P2RX7: variants seen among roughly 807,000 people sequenced by gnomAD.
The protein encoded by P2RX7 is purinergic receptor P2X 7.
In P2RX7, 62 loss-of-function variants were observed where a neutral mutation model predicts 71.6. That is an observed-to-expected ratio of 0.87 (90% confidence interval 0.71 to 1.07). The LOEUF is 1.07. Ranked by LOEUF, P2RX7 falls within the 50% of genes least tolerant of loss-of-function variation. The probability of loss-of-function intolerance (pLI) is 0.00; values close to 1 mark genes in which losing one functional copy is unlikely to be tolerated. For missense variants in P2RX7, 686 were observed against 748.5 expected (o/e 0.92, Z 0.97); for synonymous variants, 299 against 283.3 (o/e 1.06, Z -0.56).
rs202149360 is a variant in P2RX7 at position 121,133,893 on chromosome 12, A to AT, written c.125+809dup. 1.7e-3 allele frequency among the ~76,000 whole-genome samples: 249 copies of AT among 148,964 alleles called. 1 individual carries two copies. The highest frequency in any genetic ancestry group is 5.1e-3 in the African/African-American group (210 of 40,870). On this transcript the variant is annotated intron_variant, in intron 1 of 12. Transcript: ENST00000328963. ...GTAGCATGTGTTGATACTTCATTCA[A>AT]TTTTTTTTTTTAAAGAGACGGGGTC...
chr12:121,184,581 C>T lies in P2RX7; in HGVS notation c.1567C>T (p.Leu523=), dbSNP rs748835610. 1 of 1,614,110 alleles carries T rather than the reference C, an allele frequency of 6.2e-7. No homozygotes were observed. The highest frequency in any genetic ancestry group is 8.5e-7 in the Non-Finnish European group (1 of 1,179,998). The part of the protein sequence containing the change: ...FRKLVLSRHV[L]QFLLLYQEPL... ...GAAGCTGGTCCTGTCCAGACACGTC[C>T]TGCAGTTCCTCCTGCTCTACCAGGA... Residue 523 remains leucine, a synonymous_variant, in exon 13 of 13, where the codon CTG becomes TTG. Coordinates refer to ENST00000328963, the MANE Select transcript of P2RX7 (RefSeq NM_002562.6).
rs1593097956 is a variant in P2RX7 at position 121,166,305 on chromosome 12, T to C, written c.744+118T>C. ...AATGTGGCTCACATTTACTGAGCAT[T>C]TAGTAAATCCACCCGCTACGCTAAG... is the stretch of plus-strand genomic sequence containing the variant. On this transcript the variant is annotated intron_variant, in intron 7 of 12. Transcript: ENST00000328963. 5 of 1,113,430 alleles carry C rather than the reference T, an allele frequency of 4.5e-6. No homozygotes were observed. In the East Asian group the frequency reaches 9.8e-5, roughly 22 times the overall value. 69.0% of individuals were successfully genotyped at this position (1,113,430 alleles called of 1,614,324 possible). A position where few individuals can be genotyped will look rare whatever the true frequency, so the allele number is the denominator to read the frequency against.
At chr12:121,161,977 T>G (rs1879820883) in intron 4 of P2RX7, among the ~76,000 whole-genome samples, 1 of 152,130 alleles carries the variant, frequency 6.6e-6, no homozygotes, top group Admixed American at 6.5e-5. Flanking sequence ...TAATTAATTC[T>G]CCCTTGGAAA....
intron 1 of P2RX7, among the ~76,000 whole-genome samples, chr12:121,142,208 G>A (rs1178286519): frequency 1.3e-5 from 2 of 152,178 alleles, no homozygotes. Context: ...CCTAAATCAA[G>A]GCGTCAGCAG....
Position 121,177,435 on chromosome 12 carries a change from G to A in P2RX7, c.1177G>A (p.Glu393Lys), listed in dbSNP as rs776838090. The A allele has an allele frequency of 6.2e-7, 1 of 1,613,300 alleles. No individual in the cohort carries two copies. Among genetic ancestry groups the A allele is most frequent in the Non-Finnish European group, 8.5e-7 (1 of 1,180,028 alleles). ...YYRKKCESIV[E>K]PKPTLKYVSF... ...CAGGAAGAAGTGCGAGTCCATTGTGGAGCCAAAGCCGGTGAGGCCGCTGTG... is the reference window on the plus strand; with the variant it reads ...CAGGAAGAAGTGCGAGTCCATTGTGAAGCCAAAGCCGGTGAGGCCGCTGTG... Residue 393 changes from glutamate (E) to lysine (K), a missense_variant, in exon 11 of 13, where the codon GAG becomes AAG. Physicochemically the swap from Glu to Lys is moderately conservative, Grantham distance 56. Coordinates refer to ENST00000328963, the MANE Select transcript of P2RX7 (RefSeq NM_002562.6).
At chr12:121,143,741 A>G (rs1875518788) in intron 1 of P2RX7, among the ~76,000 whole-genome samples, 1 of 151,726 alleles carries the variant, frequency 6.6e-6, no homozygotes, top group African/African-American at 2.4e-5. Flanking sequence ...AATCCCAGCT[A>G]CTCGGGAGGC....
At position 121,136,023 on chromosome 12, in the gene P2RX7, A is replaced by AAAAAAAAAAATATATATATAT; in HGVS notation, c.125+2929_125+2930insAAAAAAAAATATATATATATA. ...TGTCTCAAAAAAAAAAAAAAAAAAA[A>AAAAAAAAAAATATATATATAT]ATATATATATATATATATAGTATTT... On this transcript the variant is annotated intron_variant, in intron 1 of 12. Transcript: ENST00000328963. Among the ~76,000 whole-genome samples the AAAAAAAAAAATATATATATAT allele has an allele frequency of 5.9e-3, 90 of 15,218 alleles. 8 individuals are homozygous for AAAAAAAAAAATATATATATAT. Among genetic ancestry groups the AAAAAAAAAAATATATATATAT allele is most frequent in the Admixed American group, 0.013 (8 of 596 alleles). The allele number at this position is 15,218 out of a possible 152,430, so 10.0% of individuals were successfully genotyped here.
intron 1 of P2RX7, among the ~76,000 whole-genome samples, chr12:121,136,023 A>ATATAT (rs1281670064): frequency 1.0e-3 from 16 of 15,252 alleles, no homozygotes; most frequent in South Asian, 5.4e-3. Flanking sequence ...AAAAAAAAAA[A>ATATAT]ATATATATAT....
At chr12:121,135,651 A>T (rs1413773463) in intron 1 of P2RX7, among the ~76,000 whole-genome samples, 2 of 152,024 alleles carry the variant, frequency 1.3e-5, no homozygotes, top group African/African-American at 4.8e-5. Context: ...TAATGCTATT[A>T]TTAGGATTAT....
intron 1 of P2RX7, among the ~76,000 whole-genome samples, chr12:121,140,522 C>T (rs1874629581): frequency 6.6e-6 from 1 of 151,984 alleles, no homozygotes. Context: ...AATGGGCTGG[C>T]GGAGCTGGAG....
chr12:121,171,663 T>G (rs1882216213), intron 8 of P2RX7, among the ~76,000 whole-genome samples: 1 of 152,038 alleles, frequency 6.6e-6, no homozygotes. Flanking sequence ...CCCATTCCAG[T>G]GTACGAAAAA....
At chr12:121,179,721 A>G (rs1439237953) in intron 11 of P2RX7, among the ~76,000 whole-genome samples, 1 of 152,228 alleles carries the variant, frequency 6.6e-6, no homozygotes, top group African/African-American at 2.4e-5. Flanking sequence ...CAATAGTACA[A>G]ATTTCTGGAG....
chr12:121,183,499 A>G (rs1161256694), intron 12 of P2RX7, among the ~76,000 whole-genome samples: 2 of 150,888 alleles, frequency 1.3e-5, no homozygotes, highest in Non-Finnish European at 2.9e-5. Context: ...TGAACCCAGG[A>G]GGCGGAGGTT....
At chr12:121,160,108 T>C (rs1449468281) in intron 3 of P2RX7, among the ~76,000 whole-genome samples, 1 of 151,948 alleles carries the variant, frequency 6.6e-6, no homozygotes, top group African/African-American at 2.4e-5. Context: ...TTTCTTTTTT[T>C]TTCCTTTCTT....
At chr12:121,145,344 C>T (rs1875902358) in intron 1 of P2RX7, among the ~76,000 whole-genome samples, 1 of 152,024 alleles carries the variant, frequency 6.6e-6, no homozygotes, top group African/African-American at 2.4e-5. Context: ...AGGTCAGGTC[C>T]ATGGTGTATC....
chr12:121,182,061 T>TG (rs71453542), intron 12 of P2RX7, among the ~76,000 whole-genome samples: 1 of 128,944 alleles, frequency 7.8e-6, no homozygotes, highest in Non-Finnish European at 1.7e-5. Flanking sequence ...AAGCTCCATC[T>TG]AAAAAAAAAA....
intron 12 of P2RX7, among the ~76,000 whole-genome samples, chr12:121,182,370 A>G (rs1292083418): frequency 6.6e-6 from 1 of 152,192 alleles, no homozygotes; most frequent in Admixed American, 6.6e-5. Flanking sequence ...TGATGGGGAT[A>G]TGTTCTGAAA....
intron 1 of P2RX7, among the ~76,000 whole-genome samples, chr12:121,136,023 A>ATATATATATATATATATATATATAT (rs1281670064): frequency 1.3e-4 from 2 of 15,260 alleles, no homozygotes; most frequent in Non-Finnish European, 3.7e-4. Flanking sequence ...AAAAAAAAAA[A>ATATATATATATATATATATATATAT]ATATATATAT....
intron 1 of P2RX7, among the ~76,000 whole-genome samples, chr12:121,146,776 C>A (rs145210690): frequency 6.6e-6 from 1 of 152,162 alleles, no homozygotes; most frequent in Non-Finnish European, 1.5e-5. Context: ...AACATGAATG[C>A]GGGATGGACA....
Sources: allele counts gnomAD v4.1 joint callset (sites outside exome capture counted in the v4.1 genomes callset), GRCh38; gene constraint gnomAD v4.1.1; transcripts MANE v1.5; gene names NCBI Gene and HGNC (gene_info 2026-07-23, HGNC 2026-07-21).